PALM2AKAP2: variants seen among roughly 807,000 people sequenced by gnomAD.
The protein encoded by PALM2AKAP2 is PALM2 and AKAP2 fusion.
PALM2AKAP2 carries 37 observed loss-of-function variants against 71.5 expected under a neutral mutation model. That is an observed-to-expected ratio of 0.52 (90% CI 0.40 to 0.68). The LOEUF (loss-of-function observed/expected upper bound fraction) is 0.68, where lower values mean the gene tolerates loss of function less well. PALM2AKAP2 is among the 30% of genes least tolerant of loss of function. PALM2AKAP2 has a pLI of 0.00. For synonymous variants in PALM2AKAP2, 468 were observed against 478.8 expected (o/e 0.98, Z 0.29); for missense variants, 1,224 against 1,191.8 (o/e 1.03, Z -0.40).
upstream of PALM2AKAP2, among the ~76,000 whole-genome samples, chr9:109,778,557 T>G (rs1829381180): frequency 6.6e-6 from 1 of 152,166 alleles, no homozygotes; most frequent in Non-Finnish European, 1.5e-5. Flanking sequence ...CTGGCTTGGA[T>G]TTATTAAACA....
chr9:110,110,432 C>T (rs1405479368), intron 1 of PALM2AKAP2, among the ~76,000 whole-genome samples: 1 of 151,606 alleles, frequency 6.6e-6, no homozygotes, highest in East Asian at 1.9e-4. Context: ...TTTAGGGTGG[C>T]TGGGGGTCAG....
intron 1 of PALM2AKAP2, among the ~76,000 whole-genome samples, chr9:109,759,425 G>T (rs1266601980): frequency 6.6e-6 from 1 of 152,072 alleles, no homozygotes; most frequent in Admixed American, 6.5e-5. Flanking sequence ...TCTTTAAGGT[G>T]CAAGATAGTG....
At chr9:109,957,479 C>A (rs557746713) in intron 6 of PALM2AKAP2, among the ~76,000 whole-genome samples, 1 of 152,310 alleles carries the variant, frequency 6.6e-6, no homozygotes, top group Non-Finnish European at 1.5e-5. Flanking sequence ...TGGCTCAGCA[C>A]TAGAGAAGCA....
chr9:109,780,940 T>A lies in PALM2AKAP2; in HGVS notation c.45+407T>A, dbSNP rs1009481082. 2.0e-5 allele frequency among the ~76,000 whole-genome samples: 3 copies of A among 152,154 alleles called. No individual in the cohort carries two copies. In the East Asian group the frequency reaches 5.8e-4, roughly 29 times the overall value. On this transcript the variant is annotated intron_variant, in intron 1 of 9. Coordinates refer to the PALM2AKAP2 transcript ENST00000302798. ...ATCCTCTCTGCGGAAGCTGTCCTCC[T>A]GTTAAGTGGAAAACCAGGAGTCAGC...
At chr9:110,057,367 T>G (rs111623302) in intron 1 of PALM2AKAP2, among the ~76,000 whole-genome samples, 675 of 36,568 alleles carry the variant, frequency 0.018, 8 homozygotes, top group South Asian at 0.15. Flanking sequence ...TCCTTCTCTG[T>G]TTTTTTTTTT....
At chr9:109,701,850 C>T in intron 1 of PALM2AKAP2, among the ~76,000 whole-genome samples, 1 of 151,428 alleles carries the variant, frequency 6.6e-6, no homozygotes, top group Non-Finnish European at 1.5e-5. Flanking sequence ...ACTCATCTGA[C>T]AAAGGGCTAA....
At chr9:109,983,506 C>T (rs1445439896) in intron 6 of PALM2AKAP2, among the ~76,000 whole-genome samples, 1 of 152,036 alleles carries the variant, frequency 6.6e-6, no homozygotes, top group South Asian at 2.1e-4. Context: ...TTCTTAACCC[C>T]ATATTCTACA....
At chr9:109,797,509 G>A (rs1001788531) in intron 1 of PALM2AKAP2, among the ~76,000 whole-genome samples, 7 of 152,190 alleles carry the variant, frequency 4.6e-5, no homozygotes, top group African/African-American at 7.2e-5. Context: ...GAAGTCTACA[G>A]AGTTAGAATC....
At chr9:109,728,971 T>A (rs772053483) in intron 1 of PALM2AKAP2, among the ~76,000 whole-genome samples, 16 of 152,206 alleles carry the variant, frequency 1.1e-4, no homozygotes, top group Admixed American at 4.6e-4. Context: ...CTGAGAAAGG[T>A]CTTGGGATAT....
At chr9:110,168,617 T>C in exon 4 of PALM2AKAP2, 2 of 1,195,318 alleles carry the variant, frequency 1.7e-6, no homozygotes, top group Non-Finnish European at 1.2e-6. Flanking sequence ...GCAATCCTTA[T>C]GTAGACCAGA....
At chr9:110,049,133 T>A (rs1224324191) in intron 1 of PALM2AKAP2, among the ~76,000 whole-genome samples, 3 of 152,160 alleles carry the variant, frequency 2.0e-5, no homozygotes, top group Non-Finnish European at 4.4e-5. Flanking sequence ...ATATATGCTT[T>A]AAAAACTAAA....
chr9:109,774,286 A>T (rs1232084747), intron 1 of PALM2AKAP2, among the ~76,000 whole-genome samples: 1 of 152,170 alleles, frequency 6.6e-6, no homozygotes, highest in Admixed American at 6.5e-5. Flanking sequence ...CTGGAGTAGA[A>T]CCTGGCCTTC....
intron 7 of PALM2AKAP2, among the ~76,000 whole-genome samples, chr9:110,022,391 T>C (rs1833087915): frequency 6.6e-6 from 1 of 152,090 alleles, no homozygotes; most frequent in Non-Finnish European, 1.5e-5. Flanking sequence ...CTGCTGGCCT[T>C]CCCATGGCTC....
chr9:109,730,121 T>C (rs1828533464), intron 1 of PALM2AKAP2, among the ~76,000 whole-genome samples: 1 of 152,022 alleles, frequency 6.6e-6, no homozygotes, highest in Non-Finnish European at 1.5e-5. Flanking sequence ...GCTCTCTTGA[T>C]GAAAGGAAAG....
intron 1 of PALM2AKAP2, among the ~76,000 whole-genome samples, chr9:109,767,310 C>A (rs1420434836): frequency 1.3e-5 from 2 of 152,116 alleles, no homozygotes; most frequent in Non-Finnish European, 2.9e-5. Flanking sequence ...ATCAGGGCCG[C>A]CCCACCGGCC....
chr9:109,709,205 A>G (rs1828189352), intron 1 of PALM2AKAP2, among the ~76,000 whole-genome samples: 1 of 152,118 alleles, frequency 6.6e-6, no homozygotes, highest in African/African-American at 2.4e-5. Flanking sequence ...TGTTCCTTTT[A>G]TTGCTGGATC....
chr9:109,954,658 TAAAAAAAAAAAAAA>T (rs56743395), intron 6 of PALM2AKAP2, among the ~76,000 whole-genome samples: 1 of 107,940 alleles, frequency 9.3e-6, no homozygotes, highest in Non-Finnish European at 1.9e-5. Flanking sequence ...TAAAGTATAA[TAAAAAAAAAAAAAA>T]AAAAAAAAAG....
intron 6 of PALM2AKAP2, among the ~76,000 whole-genome samples, chr9:110,003,515 G>A (rs992348603): frequency 2.6e-5 from 4 of 152,160 alleles, no homozygotes; most frequent in Non-Finnish European, 5.9e-5. Context: ...TCTTGATTTA[G>A]GGTGGAGAGT....
At chr9:110,013,280 G>T (rs1832917788) in intron 6 of PALM2AKAP2, among the ~76,000 whole-genome samples, 1 of 152,194 alleles carries the variant, frequency 6.6e-6, no homozygotes, top group Non-Finnish European at 1.5e-5. Flanking sequence ...GTGAGACAGG[G>T]AAGATCATTT....
Sources: gnomAD v4.1 joint callset for allele counts (sites outside exome capture counted in the v4.1 genomes callset) on GRCh38, gnomAD v4.1.1 for gene constraint, MANE v1.5 for transcripts, NCBI Gene and HGNC (gene_info 2026-07-23, HGNC 2026-07-21) for gene names.